The following SLC2A13 variants were observed in gnomAD, a reference collection of about 807,000 sequenced individuals.
The protein encoded by SLC2A13 is solute carrier family 2 member 13.
In SLC2A13, 32 loss-of-function variants were observed where a neutral mutation model predicts 64.4. That is an observed-to-expected ratio of 0.50 (90% CI 0.37 to 0.67). The LOEUF is 0.67. SLC2A13 is among the 30% of genes least tolerant of loss of function. The pLI is 0.00. For missense variants in SLC2A13, 743 were observed against 829.2 expected (o/e 0.90, Z 1.28); for synonymous variants, 338 against 327.1 (o/e 1.03, Z -0.36).
At chr12:39,920,428 G>T (rs1171339302) in intron 4 of SLC2A13, among the ~76,000 whole-genome samples, 1 of 152,102 alleles carries the variant, frequency 6.6e-6, no homozygotes, top group Admixed American at 6.5e-5. Flanking sequence ...CTGAAGGGTT[G>T]GCTGGTGGCA....
At chr12:40,018,708 C>T (rs1325612243) in intron 3 of SLC2A13, among the ~76,000 whole-genome samples, 2 of 152,052 alleles carry the variant, frequency 1.3e-5, no homozygotes, top group East Asian at 1.9e-4. Flanking sequence ...ATTCTTTTTG[C>T]GAGACAATAA....
Position 40,010,319 on chromosome 12 carries a change from A to G in SLC2A13, c.925+17982T>C, listed in dbSNP as rs1947506303. On this transcript the variant is annotated intron_variant, in intron 3 of 9. Transcript: ENST00000280871. ...TTTCCCACTGGAAAATAAAGGTAAT[A>G]GACGCCCTGTTGTCTGAAATATTGA... Among the ~76,000 whole-genome samples, 4 of 152,330 alleles carry G rather than the reference A, an allele frequency of 2.6e-5. No homozygotes were observed. In the South Asian group the frequency reaches 8.3e-4, roughly 32 times the overall value.
intron 7 of SLC2A13, among the ~76,000 whole-genome samples, chr12:39,819,048 C>G (rs1411246138): frequency 6.6e-6 from 1 of 152,082 alleles, no homozygotes; most frequent in Non-Finnish European, 1.5e-5. Flanking sequence ...ACCGCTTGCA[C>G]CCCACAGAAG....
intron 3 of SLC2A13, among the ~76,000 whole-genome samples, chr12:39,957,682 CA>C (rs1429469143): frequency 6.6e-6 from 1 of 152,200 alleles, no homozygotes; most frequent in Non-Finnish European, 1.5e-5. Context: ...TGCGTGCTAT[CA>C]GGGGAGCCTT....
chr12:39,885,587 T>C (rs931484285), intron 4 of SLC2A13, among the ~76,000 whole-genome samples: 1 of 152,144 alleles, frequency 6.6e-6, no homozygotes, highest in Non-Finnish European at 1.5e-5. Flanking sequence ...TAAATATTAA[T>C]GAATATTATA....
chr12:39,841,819 A>G (rs572115021), intron 6 of SLC2A13, among the ~76,000 whole-genome samples: 1 of 152,174 alleles, frequency 6.6e-6, no homozygotes, highest in South Asian at 2.1e-4. Context: ...ATTAGAAGGA[A>G]TACTTAAGAG....
intron 7 of SLC2A13, among the ~76,000 whole-genome samples, chr12:39,816,069 G>C (rs144410685): frequency 1.9e-4 from 29 of 152,258 alleles, no homozygotes; most frequent in African/African-American, 6.5e-4. Flanking sequence ...AATCGATGAG[G>C]CACATAATAT....
At chr12:39,923,779 G>T (rs1173179873) in intron 4 of SLC2A13, among the ~76,000 whole-genome samples, 1 of 150,680 alleles carries the variant, frequency 6.6e-6, no homozygotes, top group African/African-American at 2.4e-5. Context: ...ATGGAGAACT[G>T]ACTAGTAACA....
chr12:39,778,059 G>A (rs1306554200), intron 7 of SLC2A13, among the ~76,000 whole-genome samples: 2 of 152,190 alleles, frequency 1.3e-5, no homozygotes, highest in Non-Finnish European at 2.9e-5. Flanking sequence ...CATGGGGTTG[G>A]AGTCCCACAG....
chr12:39,942,087 T>G (rs934242352), intron 4 of SLC2A13, among the ~76,000 whole-genome samples: 2 of 152,220 alleles, frequency 1.3e-5, no homozygotes, highest in Middle Eastern at 3.2e-3. Flanking sequence ...TTTATACCAG[T>G]ACCATGCTGT....
At chr12:39,946,552 T>G (rs1946137561) in intron 4 of SLC2A13, among the ~76,000 whole-genome samples, 1 of 152,182 alleles carries the variant, frequency 6.6e-6, no homozygotes. Context: ...CTGTGGGGGT[T>G]GAGGGTGAGA....
chr12:39,947,258 T>G (rs980242594), intron 4 of SLC2A13, among the ~76,000 whole-genome samples: 1 of 152,212 alleles, frequency 6.6e-6, no homozygotes, highest in African/African-American at 2.4e-5. Context: ...CTCAAAAGCT[T>G]AAACTCTGGA....
At chr12:39,978,447 C>A (rs538771257) in intron 3 of SLC2A13, among the ~76,000 whole-genome samples, 1 of 152,114 alleles carries the variant, frequency 6.6e-6, no homozygotes, top group South Asian at 2.1e-4. Context: ...AGACAGTGGG[C>A]GCAGGCCAGT....
chr12:39,849,211 GGGAAAGA>G (rs1943401139), intron 6 of SLC2A13, among the ~76,000 whole-genome samples: 1 of 152,014 alleles, frequency 6.6e-6, no homozygotes, highest in Non-Finnish European at 1.5e-5. Flanking sequence ...AAAAACAAGT[GGGAAAGA>G]GTCCCTAACA....
chr12:39,928,653 C>T (rs1181151489), intron 4 of SLC2A13, among the ~76,000 whole-genome samples: 1 of 152,160 alleles, frequency 6.6e-6, no homozygotes, highest in Admixed American at 6.5e-5. Context: ...TTAAACCCAG[C>T]AGCTTTATTT....
chr12:40,046,707 A>G (rs905025882), intron 2 of SLC2A13, among the ~76,000 whole-genome samples: 3 of 151,892 alleles, frequency 2.0e-5, no homozygotes, highest in Non-Finnish European at 4.4e-5. Flanking sequence ...AACCGTTTTT[A>G]AAAACTGTGT....
At chr12:40,032,077 T>C in intron 2 of SLC2A13, among the ~76,000 whole-genome samples, 1 of 152,140 alleles carries the variant, frequency 6.6e-6, no homozygotes, top group East Asian at 1.9e-4. Context: ...AACCCACCAG[T>C]TTCCAGGCCC....
intron 3 of SLC2A13, among the ~76,000 whole-genome samples, chr12:40,002,484 A>C (rs900167586): frequency 6.6e-6 from 1 of 152,258 alleles, no homozygotes; most frequent in African/African-American, 2.4e-5. Context: ...GAAAGCAACA[A>C]AATAAATAAA....
intron 4 of SLC2A13, among the ~76,000 whole-genome samples, chr12:39,896,613 T>C (rs1167939863): frequency 2.0e-5 from 3 of 151,412 alleles, no homozygotes; most frequent in Non-Finnish European, 4.4e-5. Context: ...TGTATATGTG[T>C]TTATATGTAA....
Sources: allele counts gnomAD v4.1 joint callset (sites outside exome capture counted in the v4.1 genomes callset), GRCh38; gene constraint gnomAD v4.1.1; transcripts MANE v1.5; gene names NCBI Gene and HGNC (gene_info 2026-07-23, HGNC 2026-07-21).